DACH1: variants seen among roughly 807,000 people sequenced by gnomAD.
DACH1 encodes the protein dachshund family transcription factor 1.
A neutral mutation model predicts 54.2 loss-of-function variants in DACH1; 12 were observed. The observed-to-expected ratio is 0.22, with a 90% CI of 0.14 to 0.36. The LOEUF is 0.36. DACH1 is among the 10% of genes least tolerant of loss of function. The pLI, the probability that DACH1 is intolerant of heterozygous loss-of-function variation, is 1.00. For missense variants in DACH1, 805 were observed against 929.8 expected, an observed-to-expected ratio of 0.87 and a Z score of 1.75; for synonymous variants, 386 against 366.2, an observed-to-expected ratio of 1.05 and a Z score of -0.62.
At chr13:71,493,863 T>G (rs1879193420) in intron 6 of DACH1, among the ~76,000 whole-genome samples, 1 of 152,192 alleles carries the variant, frequency 6.6e-6, no homozygotes, top group African/African-American at 2.4e-5. Context: ...CAAAGATTTA[T>G]GAATATCTAT....
At chr13:71,677,282 A>C (rs1461132597) in intron 2 of DACH1, among the ~76,000 whole-genome samples, 2 of 152,248 alleles carry the variant, frequency 1.3e-5, no homozygotes, top group African/African-American at 4.8e-5. Flanking sequence ...AGTCAAAATA[A>C]ATGCAGTGAC....
intron 6 of DACH1, among the ~76,000 whole-genome samples, chr13:71,498,839 G>A (rs181493418): frequency 2.0e-4 from 30 of 152,104 alleles, no homozygotes; most frequent in African/African-American, 6.3e-4. Context: ...CTATTATTAT[G>A]CTCAAAAAAG....
intron 1 of DACH1, among the ~76,000 whole-genome samples, chr13:71,859,854 C>G (rs1874238399): frequency 6.6e-6 from 1 of 151,756 alleles, no homozygotes; most frequent in Non-Finnish European, 1.5e-5. Context: ...ACAAGACAGC[C>G]ACAGTAGCAA....
chr13:71,482,793 GTTTTTT>G (rs10716729), intron 7 of DACH1, among the ~76,000 whole-genome samples: 1 of 67,494 alleles, frequency 1.5e-5, no homozygotes, highest in African/African-American at 4.6e-5. Flanking sequence ...TCAACTGACA[GTTTTTT>G]TTTTTTTTTT....
At chr13:71,592,928 A>G (rs1018579257) in intron 3 of DACH1, among the ~76,000 whole-genome samples, 1 of 152,192 alleles carries the variant, frequency 6.6e-6, no homozygotes, top group Non-Finnish European at 1.5e-5. Flanking sequence ...CATAATTAAC[A>G]TTTATATAAT....
intron 6 of DACH1, among the ~76,000 whole-genome samples, chr13:71,536,023 G>A (rs1387233151): frequency 6.6e-6 from 1 of 151,882 alleles, no homozygotes; most frequent in South Asian, 2.1e-4. Context: ...TGTTTTATTT[G>A]ATAAAACTAT....
intron 1 of DACH1, among the ~76,000 whole-genome samples, chr13:71,719,892 T>G (rs1275612494): frequency 1.3e-5 from 2 of 152,004 alleles, no homozygotes; most frequent in Admixed American, 1.3e-4. Flanking sequence ...AAAAGTGACC[T>G]CCCCAGGAAG....
intron 3 of DACH1, among the ~76,000 whole-genome samples, chr13:71,578,486 G>T (rs1885674450): frequency 6.6e-6 from 1 of 152,094 alleles, no homozygotes; most frequent in African/African-American, 2.4e-5. Flanking sequence ...TTAAAAAAAT[G>T]ATATAAAACG....
At position 71,440,659 on chromosome 13, in the gene DACH1, T is replaced by C; in HGVS notation, c.2117A>G (p.Tyr706Cys). 6.2e-7 allele frequency: 1 copy of C among 1,604,020 alleles called. No homozygotes were observed. Among genetic ancestry groups the C allele is most frequent in the Non-Finnish European group, 8.5e-7 (1 of 1,175,262 alleles). ...GATTTCTTCAACAGGAAAGATTCAGTACATGACAGTAGTTTTCAAATACAG... is the reference window on the plus strand; with the variant it reads ...GATTTCTTCAACAGGAAAGATTCAGCACATGACAGTAGTTTTCAAATACAG... ...GRLYLKTTVMY is the reference protein window; with the variant it reads ...GRLYLKTTVMC Residue 706 changes from tyrosine (Y) to cysteine (C), a missense_variant, in exon 11 of 11, where the codon TAC (tyrosine) becomes TGC (cysteine). Transcript: ENST00000613252.
At chr13:71,698,867 A>G (rs944863510) in intron 1 of DACH1, among the ~76,000 whole-genome samples, 6 of 152,136 alleles carry the variant, frequency 3.9e-5, no homozygotes, top group Non-Finnish European at 7.4e-5. Context: ...ATTTATTTTT[A>G]AATCAGAGAA....
chr13:71,531,518 G>A (rs571848412), intron 6 of DACH1, among the ~76,000 whole-genome samples: 1 of 152,018 alleles, frequency 6.6e-6, no homozygotes, highest in African/African-American at 2.4e-5. Context: ...CATATGAGAT[G>A]CACAAAGTAA....
At chr13:71,461,849 A>G (rs1221801485) in intron 10 of DACH1, among the ~76,000 whole-genome samples, 3 of 152,002 alleles carry the variant, frequency 2.0e-5, no homozygotes, top group Non-Finnish European at 4.4e-5. Flanking sequence ...AAAGACATCA[A>G]AATTATTAAT....
chr13:71,797,513 T>C (rs1367950672), intron 1 of DACH1, among the ~76,000 whole-genome samples: 1 of 152,158 alleles, frequency 6.6e-6, no homozygotes, highest in South Asian at 2.1e-4. Flanking sequence ...AGTAATGTTT[T>C]TGCCGAACAA....
At chr13:71,489,584 C>A (rs1305767131) in intron 6 of DACH1, among the ~76,000 whole-genome samples, 1 of 151,932 alleles carries the variant, frequency 6.6e-6, no homozygotes, top group African/African-American at 2.4e-5. Context: ...TTAACCCTTC[C>A]TTTATATCAA....
chr13:71,827,472 A>G (rs1054192430), intron 1 of DACH1, among the ~76,000 whole-genome samples: 2 of 152,144 alleles, frequency 1.3e-5, no homozygotes, highest in Admixed American at 1.3e-4. Context: ...TTGCACAGTA[A>G]GTTCCAAACT....
intron 1 of DACH1, among the ~76,000 whole-genome samples, chr13:71,692,032 C>T (rs1470483265): frequency 6.6e-6 from 1 of 151,694 alleles, no homozygotes; most frequent in African/African-American, 2.4e-5. Flanking sequence ...CACACACACA[C>T]ACACACACAC....
At chr13:71,844,531 A>G (rs1436159207) in intron 1 of DACH1, among the ~76,000 whole-genome samples, 1 of 152,182 alleles carries the variant, frequency 6.6e-6, no homozygotes, top group Non-Finnish European at 1.5e-5. Context: ...TGTCTAAGAA[A>G]TAATACTTTT....
At chr13:71,785,655 A>T (rs1161759349) in intron 1 of DACH1, among the ~76,000 whole-genome samples, 1 of 152,174 alleles carries the variant, frequency 6.6e-6, no homozygotes, top group Non-Finnish European at 1.5e-5. Flanking sequence ...GGCTCAGCTC[A>T]TTGCACAAAG....
intron 3 of DACH1, among the ~76,000 whole-genome samples, chr13:71,596,540 T>C (rs1375121477): frequency 6.6e-6 from 1 of 152,220 alleles, no homozygotes; most frequent in Non-Finnish European, 1.5e-5. Context: ...ACAGAAAGCA[T>C]ATAAACAAAG....
Sources: allele counts gnomAD v4.1 joint callset (sites outside exome capture counted in the v4.1 genomes callset), GRCh38; gene constraint gnomAD v4.1.1; transcripts MANE v1.5; gene names NCBI Gene and HGNC (gene_info 2026-07-23, HGNC 2026-07-21).